Variants in TYRO3 observed in about 807,000 individuals in gnomAD.
TYRO3 encodes TYRO3 protein tyrosine kinase, also known as tyrosine-protein kinase receptor TYRO3.
A neutral mutation model predicts 95.2 loss-of-function variants in TYRO3; 38 were observed. The ratio of observed to expected loss-of-function variants is 0.40; its 90% CI spans 0.31 to 0.52. The LOEUF (loss-of-function observed/expected upper bound fraction) is 0.52. Ranked by LOEUF, TYRO3 falls within the 20% of genes least tolerant of loss-of-function variation. The probability of loss-of-function intolerance (pLI) is 0.56; values close to 1 mark genes in which losing one functional copy is unlikely to be tolerated. For synonymous variants in TYRO3, 367 were observed against 432.9 expected, an observed-to-expected ratio of 0.85 and a Z score of 1.89; for missense variants, 812 against 1,116.4, an observed-to-expected ratio of 0.73 and a Z score of 3.89.
chr15:41,561,844 G>T, intron 3 of TYRO3: 1 of 460,722 alleles, frequency 2.2e-6, no homozygotes, highest in Non-Finnish European at 3.9e-6. Context: ...GACCAACTGG[G>T]ATCCACAACC....
chr15:41,574,590 T>C, intron 18 of TYRO3: 1 of 452,398 alleles, frequency 2.2e-6, no homozygotes, highest in Non-Finnish European at 4.5e-6. Flanking sequence ...TGAACCTAGA[T>C]CCCTGTAGTT....
intron 6 of TYRO3, among the ~76,000 whole-genome samples, chr15:41,566,107 G>T (rs2055720346): frequency 6.6e-6 from 1 of 151,956 alleles, no homozygotes; most frequent in Non-Finnish European, 1.5e-5. Flanking sequence ...GAGCCTGGGG[G>T]TTCAAGACCA....
At chr15:41,564,045 C>T (rs546949597) in intron 4 of TYRO3, 139 bp from the exon 5 acceptor site, 13 of 749,608 alleles carry the variant, frequency 1.7e-5, no homozygotes, top group South Asian at 3.2e-5. Flanking sequence ...TTCATTTCAC[C>T]GTACCTCACT....
chr15:41,563,838 A>G (rs1440520836), intron 4 of TYRO3, among the ~76,000 whole-genome samples: 3 of 152,172 alleles, frequency 2.0e-5, no homozygotes, highest in Non-Finnish European at 4.4e-5. Context: ...TGCGCAATAA[A>G]AGAGTGACCA....
rs2055668299 is a variant in TYRO3 at position 41,562,389 on chromosome 15, T to A, written c.410-159T>A. The A allele has an allele frequency of 1.9e-5, 8 of 418,336 alleles. No homozygotes were observed. In the Admixed American group the frequency reaches 2.6e-4, roughly 14 times the overall value. 25.9% of individuals were successfully genotyped at this position (418,336 alleles called of 1,614,324 possible). ...GAGCCTGAAAAAGAGAAGCACCGCC[T>A]ACCTCTCAAGCTAGATGCCTGTTCT... On this transcript the variant is annotated intron_variant, in intron 3 of 18. Coordinates refer to ENST00000263798, the MANE Select transcript of TYRO3 (RefSeq NM_006293.4).
chr15:41,567,822 C>G (rs1345013200), intron 7 of TYRO3, among the ~76,000 whole-genome samples: 1 of 152,180 alleles, frequency 6.6e-6, no homozygotes, highest in Non-Finnish European at 1.5e-5. Flanking sequence ...GATCTGGGAT[C>G]TGAACGATAA....
intron 1 of TYRO3, among the ~76,000 whole-genome samples, chr15:41,560,629 CGTG>C (rs779344155): frequency 1.3e-5 from 2 of 152,144 alleles, no homozygotes; most frequent in East Asian, 1.9e-4. Context: ...TTTGATCTGA[CGTG>C]GTTTTGCAGC....
Position 41,562,555 on chromosome 15 carries a change from A to G in TYRO3, c.417A>G (p.Pro139=), listed in dbSNP as rs759646558. Residue 139 remains proline (P), a synonymous_variant, in exon 4 of 19, where the codon CCA becomes CCG. Coordinates refer to ENST00000263798, the MANE Select transcript of TYRO3 (RefSeq NM_006293.4). The part of the protein sequence containing the change: ...QPVWLTVEGV[P]FFTVEPKDLA... ...ACTCCCCTTCTCTCCTAGGTGTGCC[A>G]TTTTTCACAGTGGAGCCAAAAGATC... 3 of 1,612,448 alleles carry G rather than the reference A, an allele frequency of 1.9e-6. No individual in the cohort carries two copies. Among genetic ancestry groups the G allele is most frequent in the Non-Finnish European group, 1.7e-6 (2 of 1,180,000 alleles).
chr15:41,560,439 G>A (rs1055616837), intron 1 of TYRO3, among the ~76,000 whole-genome samples: 3 of 150,700 alleles, frequency 2.0e-5, no homozygotes, highest in Non-Finnish European at 4.4e-5. Flanking sequence ...GCGCGCGCGC[G>A]CGCGCGCTCG....
At position 41,578,563 on chromosome 15, in the gene TYRO3, C is replaced by T. The variant is rs994792126; in HGVS notation, c.*287C>T. ...TGGCAGGAGTGGGGTGGTTATGTTT[C>T]CATGGTTACCATGGGTGTGGATGGC... On this transcript the variant is annotated 3_prime_UTR_variant, in exon 19 of 19. Coordinates refer to ENST00000263798, the MANE Select transcript of TYRO3 (RefSeq NM_006293.4). The T allele has an allele frequency of 4.1e-6, 2 of 483,922 alleles. No individual in the cohort carries two copies. The highest frequency in any genetic ancestry group is 3.9e-5 in the African/African-American group (2 of 50,810). 30.0% of individuals were successfully genotyped at this position (483,922 alleles called of 1,614,324 possible). A position where few individuals can be genotyped will look rare whatever the true frequency, so the allele number is the denominator to read the frequency against.
In TYRO3 at chr15:41,564,186, G is replaced by T. The variant is rs781235941; in HGVS notation, c.583G>T (p.Val195Leu). The change falls in exon 5 of 19, where the codon GTG (valine) becomes TTG (leucine). Residue 195 changes from valine (V) to leucine (L), a missense_variant and splice_region_variant. By Grantham distance (32) the Val-to-Leu change is conservative. Transcript: ENST00000263798. ...PSPSVLNVTGVTQSTMFSCEA... is the reference protein window; with the variant it reads ...PSPSVLNVTGLTQSTMFSCEA... ...TGACTGAGGTTTTCTGGCCCCAGGG[G>T]TGACCCAGAGCACCATGTTTTCCTG... is the stretch of plus-strand genomic sequence containing the variant. 22 of 1,614,090 alleles carry T rather than the reference G, an allele frequency of 1.4e-5. No individual in the cohort carries two copies. The highest frequency in any genetic ancestry group is 1.8e-5 in the Non-Finnish European group (21 of 1,179,998).
intron 18 of TYRO3, chr15:41,574,805 A>G (rs2588324): frequency 1 from 450,666 of 450,686 alleles, 225,323 homozygotes; most frequent in Middle Eastern, 1. Flanking sequence ...CTGCAGCCTC[A>G]ACCTCCTGGG....
At chr15:41,567,595 G>A in intron 7 of TYRO3, 58 bp downstream of exon 7, 3 of 1,389,856 alleles carry the variant, frequency 2.2e-6, no homozygotes, top group East Asian at 2.6e-5. Context: ...AGGGGGCCGT[G>A]TTGGCTGGAG....
chr15:41,560,245 G>A lies in TYRO3; in HGVS notation c.124+864G>A, dbSNP rs141484898. ...CGAGTATTTACAAGCCGAAAGGTGC[G>A]GACCTGATGCTCAGGGAGCCCACGA... On this transcript the variant is annotated intron_variant, in intron 1 of 18. Coordinates refer to ENST00000263798, the MANE Select transcript of TYRO3 (RefSeq NM_006293.4). 5.5e-3 allele frequency among the ~76,000 whole-genome samples: 844 copies of A among 152,234 alleles called. 5 individuals carry two copies. The highest frequency in any genetic ancestry group is 0.02 in the African/African-American group (811 of 41,522).
rs750818100 is a variant in TYRO3, at chr15:41,568,981, C to T, written c.1211C>T (p.Pro404Leu). 4.3e-6 allele frequency: 7 copies of T among 1,613,944 alleles called. No homozygotes were observed. The highest frequency in any genetic ancestry group is 1.7e-6 in the Non-Finnish European group (2 of 1,180,032). Residue 404 changes from proline (P) to leucine (L), a missense_variant, in exon 9 of 19, where the codon CCC (proline) becomes CTC (leucine). Coordinates refer to ENST00000263798, the MANE Select transcript of TYRO3 (RefSeq NM_006293.4). ...VCVSNAVGCG[P>L]WSQPLVVSSH... ...GTCTCCAATGCAGTTGGCTGTGGACCCTGGAGTCAGCCACTGGTGGTCTCT... is the reference window on the plus strand; with the variant it reads ...GTCTCCAATGCAGTTGGCTGTGGACTCTGGAGTCAGCCACTGGTGGTCTCT...
At chr15:41,576,671 A>ATTTT (rs2055864661) in intron 18 of TYRO3, among the ~76,000 whole-genome samples, 8 of 129,686 alleles carry the variant, frequency 6.2e-5, no homozygotes, top group African/African-American at 2.6e-4. Flanking sequence ...TTTTTTTTTA[A>ATTTT]AAAAAAAAAA....
Position 41,581,847 on chromosome 15 carries a change from A to AAG in TYRO3, c.*3571_*3572insAG, listed in dbSNP as rs2055926254. ...CATCTCAAAAAAAAAAAAAAAAAAA[A>AAG]GAGGCCAGGCATGGTGGCTCACGCC... On this transcript the variant is annotated 3_prime_UTR_variant, in exon 19 of 19. Transcript: ENST00000263798. The AAG allele has an allele frequency of 6.7e-6, 1 of 150,108 alleles. No individual in the cohort carries two copies. Among genetic ancestry groups the AAG allele is most frequent in the Non-Finnish European group, 1.5e-5 (1 of 67,648 alleles). 9.3% of individuals were successfully genotyped at this position (150,108 alleles called of 1,614,324 possible). A position where few individuals can be genotyped will look rare whatever the true frequency, so the allele number is the denominator to read the frequency against.
At chr15:41,564,713 GTC>G in intron 5 of TYRO3, 1 of 399,500 alleles carries the variant, frequency 2.5e-6, no homozygotes, top group South Asian at 2.7e-5. Context: ...GCAGCTGCCT[GTC>G]TCTCCCTTGT....
At chr15:41,560,426 TGTGCGCGCGCGC>T (rs979395721) in intron 1 of TYRO3, among the ~76,000 whole-genome samples, 8 of 134,370 alleles carry the variant, frequency 6.0e-5, no homozygotes, top group African/African-American at 2.0e-4. Context: ...TGTGTGTGTG[TGTGCGCGCGCGC>T]GCGCGCGCTC....
Sources: allele counts gnomAD v4.1 joint callset (sites outside exome capture counted in the v4.1 genomes callset), GRCh38; gene constraint gnomAD v4.1.1; transcripts MANE v1.5; gene names NCBI Gene and HGNC (gene_info 2026-07-23, HGNC 2026-07-21).